STMN1: variants seen among roughly 807,000 people sequenced by gnomAD.
STMN1 encodes stathmin.
A neutral mutation model predicts 19.7 loss-of-function variants in STMN1; 3 were observed. The ratio of observed to expected loss-of-function variants is 0.15; its 90% confidence interval spans 0.07 to 0.39. STMN1 has a LOEUF of 0.39. Ranked by LOEUF, STMN1 falls within the 10% of genes least tolerant of loss-of-function variation. The pLI is 1.00. For missense variants in STMN1, 99 were observed against 176.0 expected, an observed-to-expected ratio of 0.56 and a Z score of 2.48; for synonymous variants, 59 against 58.9, an observed-to-expected ratio of 1.00 and a Z score of -0.01.
downstream of STMN1, among the ~76,000 whole-genome samples, chr1:25,898,790 C>A (rs1009391260): frequency 6.6e-6 from 1 of 152,246 alleles, no homozygotes; most frequent in Non-Finnish European, 1.5e-5. Flanking sequence ...CCCACTGGGA[C>A]AGACGCAGAC....
downstream of STMN1, among the ~76,000 whole-genome samples, chr1:25,896,460 C>A (rs868530287): frequency 7.9e-5 from 12 of 152,202 alleles, no homozygotes; most frequent in South Asian, 1.2e-3. Flanking sequence ...TCCTTTTCTG[C>A]TGAGATGGCT....
chr1:25,899,092 C>T (rs1033538813), downstream of STMN1, among the ~76,000 whole-genome samples: 1 of 152,198 alleles, frequency 6.6e-6, no homozygotes, highest in African/African-American at 2.4e-5. Context: ...TGTCACAAGG[C>T]AGGGGCTCAG....
intron 3 of STMN1, chr1:25,902,199 T>C (rs1024014707): frequency 1.3e-5 from 2 of 152,216 alleles, no homozygotes; most frequent in Non-Finnish European, 2.9e-5. Flanking sequence ...AGTGCTTATC[T>C]GTTCAGAAAT....
chr1:25,888,959 C>T (rs534473777), intron 4 of STMN1: 16 of 453,194 alleles, frequency 3.5e-5, no homozygotes, highest in African/African-American at 1.0e-4. Context: ...TGCTTGACTC[C>T]GCTTCTTGCC....
intron 4 of STMN1, among the ~76,000 whole-genome samples, chr1:25,889,599 C>A (rs1359136863): frequency 6.6e-6 from 1 of 152,142 alleles, no homozygotes; most frequent in Non-Finnish European, 1.5e-5. Context: ...CTAACCATGA[C>A]CCTCCACCTC....
chr1:25,903,600 C>G (rs1253407209), intron 3 of STMN1, 41 bp downstream of exon 3: 2 of 1,605,724 alleles, frequency 1.2e-6, no homozygotes, highest in South Asian at 1.1e-5. Flanking sequence ...CTGCCCATTA[C>G]ATAAATTAAT....
chr1:25,901,212 T>C, intron 4 of STMN1, 125 bp from the exon 5 acceptor site: 1 of 1,479,912 alleles, frequency 6.8e-7, no homozygotes. Flanking sequence ...TATTACAGCC[T>C]GTGGGAACCA....
At chr1:25,897,704 G>GC (rs1319158135), downstream of STMN1, among the ~76,000 whole-genome samples, 1 of 152,198 alleles carries the variant, frequency 6.6e-6, no homozygotes, top group Admixed American at 6.5e-5. Flanking sequence ...TGTCAGAGCA[G>GC]CCCCCCTTCC....
chr1:25,891,135 C>T (rs1572293800), intron 4 of STMN1, among the ~76,000 whole-genome samples: 2 of 152,064 alleles, frequency 1.3e-5, no homozygotes, highest in African/African-American at 4.8e-5. Context: ...GAGTTCAAGA[C>T]CAGCCTGACC....
intron 4 of STMN1, chr1:25,892,372 G>A: frequency 3.1e-6 from 1 of 319,494 alleles, no homozygotes; most frequent in Non-Finnish European, 4.4e-6. Context: ...CTGGGAGACA[G>A]AGCAAGACTT....
chr1:25,888,989 C>A, intron 4 of STMN1: 2 of 480,710 alleles, frequency 4.2e-6, no homozygotes, highest in South Asian at 3.2e-5. Context: ...CACAAGACTT[C>A]CTGGTCAAGA....
chr1:25,893,313 C>T (rs1376963758), intron 4 of STMN1, among the ~76,000 whole-genome samples: 1 of 152,160 alleles, frequency 6.6e-6, no homozygotes, highest in Non-Finnish European at 1.5e-5. Flanking sequence ...CCGAGCTATA[C>T]TTTGATAGCA....
chr1:25,902,854 T>C (rs1245661368), intron 3 of STMN1: 5 of 152,240 alleles, frequency 3.3e-5, no homozygotes, highest in Non-Finnish European at 7.3e-5. Flanking sequence ...ACTATGCTGG[T>C]CTGGGGAAGG....
intron 3 of STMN1, chr1:25,903,069 T>C (rs2048894029): frequency 6.6e-6 from 1 of 152,262 alleles, no homozygotes. Flanking sequence ...TAAATTTCTG[T>C]ATTTCCCAAA....
At chr1:25,903,386 G>T in intron 3 of STMN1, 1 of 388,818 alleles carries the variant, frequency 2.6e-6, no homozygotes, top group Non-Finnish European at 4.6e-6. Context: ...GCAGAAAAAC[G>T]ACTTAACATT....
intron 3 of STMN1, chr1:25,903,013 G>C (rs924705410): frequency 1.3e-4 from 20 of 152,290 alleles, no homozygotes; most frequent in African/African-American, 3.6e-4. Flanking sequence ...GTTAACACTG[G>C]TTGCTTCTCG....
chr1:25,901,320 C>T, intron 4 of STMN1, 171 bp downstream of exon 4: 1 of 1,111,040 alleles, frequency 9.0e-7, no homozygotes. Flanking sequence ...TGCAATTATG[C>T]TGGGAATTAC....
In STMN1 at chr1:25,901,678, T is replaced by C. The variant is rs752603226; in HGVS notation, c.191A>G (p.His64Arg). The C allele has an allele frequency of 6.2e-7, 1 of 1,606,124 alleles. No homozygotes were observed. Among genetic ancestry groups the C allele is most frequent in the East Asian group, 2.2e-5 (1 of 44,766 alleles). ...CAGCTGCTTCAAGACCTCAGCTTCA[T>C]GGGACTGGAAAAAAAAGTTTAATAG... Reference protein sequence around the residue: ...LEAAEERRKSHEAEVLKQLAE... With the variant: ...LEAAEERRKSREAEVLKQLAE... The change falls in exon 4 of 5, where the codon CAT (histidine) becomes CGT (arginine). Residue 64 changes from histidine (H) to arginine (R), a missense_variant. Physicochemically the swap from His to Arg is conservative, Grantham distance 29. This residue lies in a region of STMN1 where 8 missense variants were observed against 38.7 expected (regional missense o/e 0.21). Transcript: ENST00000455785.
At chr1:25,889,575 C>T (rs1245955856) in intron 4 of STMN1, among the ~76,000 whole-genome samples, 2 of 152,116 alleles carry the variant, frequency 1.3e-5, no homozygotes, top group African/African-American at 2.4e-5. Flanking sequence ...TTCACCATGA[C>T]CTAGATCCTG....
Sources: gnomAD v4.1 joint callset for allele counts (sites outside exome capture counted in the v4.1 genomes callset) on GRCh38, gnomAD v4.1.1 for gene constraint, gnomAD v4.1.1 regional missense constraint, MANE v1.5 for transcripts, NCBI Gene and HGNC (gene_info 2026-07-23, HGNC 2026-07-21) for gene names.